CMBL: variants seen among roughly 807,000 people sequenced by gnomAD.
The protein encoded by CMBL is carboxymethylenebutenolidase homolog (Pseudomonas).
CMBL carries 17 observed loss-of-function variants against 28.7 expected under a neutral mutation model. That is an observed-to-expected ratio of 0.59 (90% CI 0.41 to 0.89). CMBL has a LOEUF of 0.89. Ranked by LOEUF, CMBL falls within the 40% of genes least tolerant of loss-of-function variation. The pLI, the probability that CMBL is intolerant of heterozygous loss-of-function variation, is 0.00. For missense variants in CMBL, 310 were observed against 298.5 expected, an observed-to-expected ratio of 1.04 and a Z score of -0.28; for synonymous variants, 106 against 101.6, an observed-to-expected ratio of 1.04 and a Z score of -0.26.
intron 1 of CMBL, among the ~76,000 whole-genome samples, chr5:10,298,994 ATCTC>A (rs1211341260): frequency 6.6e-6 from 1 of 152,188 alleles, no homozygotes; most frequent in African/African-American, 2.4e-5. Context: ...CTGTGTACTA[ATCTC>A]TCTACTTTTA....
Position 10,280,309 on chromosome 5 carries a change from T to G in CMBL, c.*144A>C, listed in dbSNP as rs1746476654. 1.7e-6 allele frequency: 1 copy of G among 599,492 alleles called. No individual in the cohort carries two copies. Among genetic ancestry groups the G allele is most frequent in the African/African-American group, 1.8e-5 (1 of 54,542 alleles). The allele number at this position is 599,492 out of a possible 1,614,324, so 37.1% of individuals were successfully genotyped here. A position where few individuals can be genotyped will look rare whatever the true frequency, so the allele number is the denominator to read the frequency against. ...AATTATTTCATGCATTACGTCCTAC[T>G]GAATTTGTGTTTCAAATGAAATAAT... is the stretch of plus-strand genomic sequence containing the variant. On this transcript the variant is annotated 3_prime_UTR_variant, in exon 6 of 6. Transcript: ENST00000296658.
chr5:10,302,443 A>C (rs2126564225), intron 1 of CMBL, among the ~76,000 whole-genome samples: 1 of 151,812 alleles, frequency 6.6e-6, no homozygotes, highest in East Asian at 1.9e-4. Context: ...CAAGGATCCA[A>C]GACCAGCCTG....
chr5:10,291,286 AAGG>A (rs1310198106), intron 1 of CMBL, among the ~76,000 whole-genome samples: 3 of 152,210 alleles, frequency 2.0e-5, no homozygotes, highest in East Asian at 1.9e-4. Flanking sequence ...GCCAAAGCAA[AAGG>A]AGAAGAGCTC....
At chr5:10,295,412 C>A (rs1746792358) in intron 1 of CMBL, among the ~76,000 whole-genome samples, 1 of 152,182 alleles carries the variant, frequency 6.6e-6, no homozygotes, top group Non-Finnish European at 1.5e-5. Context: ...TTTGTAACCT[C>A]ACCGTCATTC....
At chr5:10,286,937 C>A (rs996551362) in intron 3 of CMBL, among the ~76,000 whole-genome samples, 1 of 152,216 alleles carries the variant, frequency 6.6e-6, no homozygotes, top group Non-Finnish European at 1.5e-5. Context: ...GCAGCCATAA[C>A]TATGGGCAGA....
At chr5:10,298,062 G>A (rs893029085) in intron 1 of CMBL, among the ~76,000 whole-genome samples, 2 of 151,746 alleles carry the variant, frequency 1.3e-5, no homozygotes, top group Admixed American at 1.3e-4. Flanking sequence ...CGAAGAGCAG[G>A]CGCAGAGCAG....
At chr5:10,297,599 CTG>C (rs1317212594) in intron 1 of CMBL, among the ~76,000 whole-genome samples, 3 of 147,938 alleles carry the variant, frequency 2.0e-5, no homozygotes, top group Non-Finnish European at 1.5e-5. Flanking sequence ...AGCAAAGAGA[CTG>C]TGCAAAAGAT....
intron 1 of CMBL, among the ~76,000 whole-genome samples, chr5:10,305,023 G>C (rs1746972151): frequency 6.6e-6 from 1 of 152,166 alleles, no homozygotes; most frequent in African/African-American, 2.4e-5. Flanking sequence ...CTGTGCTGGG[G>C]CAGGACTGTG....
chr5:10,290,810 C>A (rs1211867259), intron 1 of CMBL, 29 bp from the exon 2 acceptor site: 1 of 1,494,234 alleles, frequency 6.7e-7, no homozygotes, highest in East Asian at 2.3e-5. Flanking sequence ...GCGTTATATT[C>A]TGAATGCTGC....
chr5:10,301,867 G>T (rs1042643158), intron 1 of CMBL, among the ~76,000 whole-genome samples: 4 of 41,600 alleles, frequency 9.6e-5, no homozygotes, highest in Admixed American at 3.9e-4. Flanking sequence ...GCTGTTTGTT[G>T]GCTATGAGGA....
At chr5:10,296,709 C>T (rs1746816217) in intron 1 of CMBL, among the ~76,000 whole-genome samples, 2 of 152,056 alleles carry the variant, frequency 1.3e-5, no homozygotes, top group African/African-American at 4.8e-5. Flanking sequence ...CAGCCAGTGA[C>T]GGGGGAGGAA....
rs1232769092 is a variant in CMBL, at chr5:10,289,497, G to C, written c.216-968C>G. On this transcript the variant is annotated intron_variant, in intron 2 of 5. Coordinates refer to ENST00000296658, the MANE Select transcript of CMBL (RefSeq NM_138809.4). The surrounding 1 kb of genome is among the most constrained non-coding windows in gnomAD (Gnocchi z 4.3). ...ATCGGCTGCTTGGGCCAGTGATCTG[G>C]GGCAGCCGCAAAGCGCTCTCTTTAT... Among the ~76,000 whole-genome samples, 2 of 152,156 alleles carry C rather than the reference G, an allele frequency of 1.3e-5. No homozygotes were observed. Among genetic ancestry groups the C allele is most frequent in the Non-Finnish European group, 2.9e-5 (2 of 68,036 alleles).
At chr5:10,307,325 G>C (rs914076629) in intron 1 of CMBL, 1 of 152,180 alleles carries the variant, frequency 6.6e-6, no homozygotes, top group Non-Finnish European at 1.5e-5. Flanking sequence ...CAAAACGAAC[G>C]CAAGTTTGCA....
In CMBL at chr5:10,286,416, C is replaced by T. The variant is rs773199941; in HGVS notation, c.404G>A (p.Gly135Glu). 15 of 1,614,098 alleles carry T rather than the reference C, an allele frequency of 9.3e-6. No homozygotes were observed. The South Asian group carries it at 1.5e-4, about 17-fold the overall frequency. ...KIGIVGFCWG[G>E]TAVHHLMMKY... is the part of the protein sequence containing the mutation. ...CATCATCAAATGATGGACAGCAGTTCCACCCCAGCAGAATCCCACGATGCC... is the reference window on the plus strand; with the variant it reads ...CATCATCAAATGATGGACAGCAGTTTCACCCCAGCAGAATCCCACGATGCC... The change falls in exon 4 of 6, where the codon GGA becomes GAA. Residue 135 changes from glycine to glutamate, a missense_variant. Coordinates refer to ENST00000296658, the MANE Select transcript of CMBL (RefSeq NM_138809.4).
At chr5:10,293,244 T>C (rs141831234) in intron 1 of CMBL, among the ~76,000 whole-genome samples, 39 of 152,340 alleles carry the variant, frequency 2.6e-4, no homozygotes, top group African/African-American at 8.7e-4. Flanking sequence ...CAGGCTGTTA[T>C]AACAAAATAC....
chr5:10,285,439 T>A (rs1746581494), intron 4 of CMBL, among the ~76,000 whole-genome samples: 1 of 151,932 alleles, frequency 6.6e-6, no homozygotes. Flanking sequence ...AGTGCTGGGA[T>A]TATAGGCGTG....
chr5:10,306,550 G>A (rs1385407238), intron 1 of CMBL, among the ~76,000 whole-genome samples: 1 of 152,114 alleles, frequency 6.6e-6, no homozygotes, highest in Non-Finnish European at 1.5e-5. Context: ...GGTTACAGAG[G>A]ACCCCAAGAC....
chr5:10,278,816 C>T lies in CMBL; in HGVS notation c.*1637G>A, dbSNP rs998959137. Among the ~76,000 whole-genome samples the T allele has an allele frequency of 6.6e-6, 1 of 152,064 alleles. No individual in the cohort carries two copies. Among genetic ancestry groups the T allele is most frequent in the Non-Finnish European group, 1.5e-5 (1 of 68,032 alleles). ...CTGGACACAGGTCAGATGAGAGCCA[C>T]AAGGTCATGTGCCAGGATAAACAAG... On this transcript the variant is annotated 3_prime_UTR_variant, in exon 6 of 6. Coordinates refer to ENST00000296658, the MANE Select transcript of CMBL (RefSeq NM_138809.4).
At chr5:10,294,518 T>C (rs1746777200) in intron 1 of CMBL, among the ~76,000 whole-genome samples, 1 of 151,522 alleles carries the variant, frequency 6.6e-6, no homozygotes, top group Non-Finnish European at 1.5e-5. Flanking sequence ...GAGTCATGAC[T>C]ATGCCATGGC....
Sources: allele counts gnomAD v4.1 joint callset (sites outside exome capture counted in the v4.1 genomes callset), GRCh38; gene constraint gnomAD v4.1.1; non-coding constraint Gnocchi (gnomAD v3.1); transcripts MANE v1.5; gene names NCBI Gene and HGNC (gene_info 2026-07-23, HGNC 2026-07-21).